Variants in SENP6 observed in about 807,000 individuals in gnomAD.
The protein encoded by SENP6 is sentrin-specific protease 6.
A neutral mutation model predicts 134.5 loss-of-function variants in SENP6; 41 were observed. The ratio of observed to expected loss-of-function variants is 0.30; its 90% CI spans 0.24 to 0.40. The LOEUF (loss-of-function observed/expected upper bound fraction) is 0.40, where lower values mean the gene tolerates loss of function less well. Among genes scored for constraint, SENP6 ranks in the 10% least tolerant of loss-of-function variants. The pLI, the probability that SENP6 is intolerant of heterozygous loss-of-function variation, is 1.00. For synonymous variants in SENP6, 395 were observed against 429.8 expected (o/e 0.92, Z 1.00); for missense variants, 1,248 against 1,312.5 (o/e 0.95, Z 0.76).
At chr6:75,655,002 A>T (rs1387807060) in intron 7 of SENP6, 1 of 152,220 alleles carries the variant, frequency 6.6e-6, no homozygotes. Flanking sequence ...ATACTTCTAA[A>T]CACTTCAGTG....
intron 20 of SENP6, among the ~76,000 whole-genome samples, chr6:75,710,390 A>G (rs1347307290): frequency 6.6e-6 from 1 of 152,174 alleles, no homozygotes; most frequent in Non-Finnish European, 1.5e-5. Flanking sequence ...ATATTGAGAA[A>G]AGTTTATAAG....
intron 19 of SENP6, among the ~76,000 whole-genome samples, chr6:75,704,637 C>G (rs1002873119): frequency 3.9e-5 from 6 of 152,214 alleles, no homozygotes; most frequent in East Asian, 1.9e-4. Flanking sequence ...TTTCACTAAT[C>G]CTTCTCAGCA....
At chr6:75,661,547 A>G (rs1415412694) in intron 8 of SENP6, among the ~76,000 whole-genome samples, 1 of 152,246 alleles carries the variant, frequency 6.6e-6, no homozygotes, top group South Asian at 2.1e-4. Context: ...CACATCACCT[A>G]GGTATTAAAC....
intron 19 of SENP6, among the ~76,000 whole-genome samples, chr6:75,708,740 C>G (rs1424445269): frequency 1.3e-5 from 2 of 151,852 alleles, no homozygotes; most frequent in Non-Finnish European, 2.9e-5. Context: ...ACTAAAAATA[C>G]AAAAATGCCA....
intron 19 of SENP6, among the ~76,000 whole-genome samples, chr6:75,704,823 G>A (rs1775283753): frequency 6.6e-6 from 1 of 152,158 alleles, no homozygotes; most frequent in Non-Finnish European, 1.5e-5. Flanking sequence ...CTAGAGAATG[G>A]TGATGACTTT....
intron 19 of SENP6, among the ~76,000 whole-genome samples, chr6:75,707,041 C>T (rs1775446815): frequency 6.6e-6 from 1 of 152,198 alleles, no homozygotes; most frequent in South Asian, 2.1e-4. Context: ...CAAGTCATCA[C>T]CTCTCAATTT....
At chr6:75,711,936 T>C (rs1201380348) in intron 21 of SENP6, among the ~76,000 whole-genome samples, 1 of 152,166 alleles carries the variant, frequency 6.6e-6, no homozygotes, top group African/African-American at 2.4e-5. Flanking sequence ...GCCTTCCAAA[T>C]TGCTGGGATT....
chr6:75,630,377 A>G (rs1769019942), intron 3 of SENP6, among the ~76,000 whole-genome samples: 2 of 152,162 alleles, frequency 1.3e-5, no homozygotes, highest in Non-Finnish European at 2.9e-5. Flanking sequence ...CATTTTAGGT[A>G]ATTTATCTGC....
intron 16 of SENP6, among the ~76,000 whole-genome samples, chr6:75,689,171 A>G (rs919077673): frequency 2.0e-5 from 3 of 152,194 alleles, no homozygotes; most frequent in African/African-American, 7.2e-5. Context: ...GTTTGAGGCT[A>G]CGGTGAGCTA....
In SENP6 at chr6:75,613,164, T is replaced by C. The variant is rs570895747; in HGVS notation, c.53-8368T>C. ...TATGACCCAGCCAAATTTGTCCAGC[T>C]GCCTGTTTTTAAGAGGCTCATGAGC... On this transcript the variant is annotated intron_variant, in intron 1 of 23. Transcript: ENST00000447266. 4.6e-5 allele frequency among the ~76,000 whole-genome samples: 7 copies of C among 151,906 alleles called. No individual in the cohort carries two copies. In the Middle Eastern group the frequency reaches 0.01, roughly 223 times the overall value.
In SENP6 at chr6:75,677,038, G is replaced by A; in HGVS notation, c.1630G>A (p.Glu544Lys). 1.4e-6 allele frequency: 2 copies of A among 1,452,338 alleles called. No homozygotes were observed. Among genetic ancestry groups the A allele is most frequent in the Non-Finnish European group, 1.9e-6 (2 of 1,047,496 alleles). The allele number at this position is 1,452,338 out of a possible 1,614,324, so 90.0% of individuals were successfully genotyped here. Residue 544 changes from glutamate (E) to lysine (K), a missense_variant, in exon 14 of 24, where the codon GAA becomes AAA. Glu to Lys is a moderately conservative substitution (Grantham distance 56, BLOSUM62 1). Around this residue, in one of 3 missense-constraint regions of SENP6, gnomAD observed 733 missense variants for 725.4 expected, o/e 1.01. Coordinates refer to ENST00000447266, the MANE Select transcript of SENP6 (RefSeq NM_015571.4). ...KGVNKLTNLE[E>K]QYIILIFQNG... is the part of the protein sequence containing the mutation. Reference sequence around the variant, plus strand: ...TATTTATTTCTTTTCAGATTTAGAAGAACAATATATAATTTTAATTTTTCA... The same window carrying A: ...TATTTATTTCTTTTCAGATTTAGAAAAACAATATATAATTTTAATTTTTCA...
chr6:75,633,556 CAT>C (rs766605964), intron 3 of SENP6, 23 bp from the exon 4 acceptor site: 45 of 1,566,236 alleles, frequency 2.9e-5, no homozygotes, highest in Middle Eastern at 1.8e-4. Context: ...ATTTTTGACT[CAT>C]ATTTCTGGAT....
chr6:75,701,633 CTTTTTTTTTTTTT>C, intron 18 of SENP6, among the ~76,000 whole-genome samples: 1 of 80,140 alleles, frequency 1.2e-5, no homozygotes, highest in African/African-American at 5.0e-5. Flanking sequence ...ACAGTTTAAT[CTTTTTTTTTTTTT>C]TTTTTTTTTT....
At chr6:75,669,997 G>A (rs984983273) in intron 10 of SENP6, among the ~76,000 whole-genome samples, 11 of 151,800 alleles carry the variant, frequency 7.2e-5, no homozygotes, top group African/African-American at 1.7e-4. Context: ...GCGGTGGTGC[G>A]TTCTCAGCTC....
chr6:75,638,305 C>G (rs1444236468), intron 5 of SENP6, among the ~76,000 whole-genome samples: 2 of 141,556 alleles, frequency 1.4e-5, no homozygotes, highest in African/African-American at 2.6e-5. Context: ...TTTTTCTTTT[C>G]TATATTGTAT....
At chr6:75,687,228 C>T (rs2149887699) in intron 16 of SENP6, among the ~76,000 whole-genome samples, 1 of 152,270 alleles carries the variant, frequency 6.6e-6, no homozygotes, top group African/African-American at 2.4e-5. Context: ...AGTTCTTGTG[C>T]AATGGTTATC....
In SENP6 at chr6:75,634,872, C is replaced by CT. The variant is rs575371402; in HGVS notation, c.458+68dup. ...TGGCATCTTCTTCAATAGGTTTTCA[C>CT]TTTTTTTAACCATTTTTTTCCTTTG... On this transcript the variant is annotated intron_variant, in intron 5 of 23. Transcript: ENST00000447266. 2.9e-3 allele frequency: 3,120 copies of CT among 1,090,372 alleles called. 4 individuals are homozygous for CT. The highest frequency in any genetic ancestry group is 7.3e-3 in the Middle Eastern group (37 of 5,062). 67.5% of individuals were successfully genotyped at this position (1,090,372 alleles called of 1,614,324 possible).
intron 2 of SENP6, among the ~76,000 whole-genome samples, chr6:75,622,324 G>A (rs1476706262): frequency 2.0e-5 from 3 of 152,146 alleles, no homozygotes; most frequent in Non-Finnish European, 2.9e-5. Flanking sequence ...TTGGAAGGCC[G>A]AGGCAGGTGG....
In SENP6 at chr6:75,672,008, G is replaced by A. The variant is rs559914408; in HGVS notation, c.1392+1288G>A. 2.6e-5 allele frequency among the ~76,000 whole-genome samples: 4 copies of A among 152,200 alleles called. No homozygotes were observed. In the East Asian group the frequency reaches 5.8e-4, roughly 22 times the overall value. ...AGTTTCAGAAGTACCCTGGAGATTC[G>A]AAGCAAATTATATATAAATTGTCTA... On this transcript the variant is annotated intron_variant, in intron 11 of 23. Coordinates refer to ENST00000447266, the MANE Select transcript of SENP6 (RefSeq NM_015571.4).
Sources: allele counts gnomAD v4.1 joint callset (sites outside exome capture counted in the v4.1 genomes callset), GRCh38; gene constraint gnomAD v4.1.1; regional missense constraint gnomAD v4.1.1; transcripts MANE v1.5; gene names NCBI Gene and HGNC (gene_info 2026-07-23, HGNC 2026-07-21).